The following PLCG2 variants were observed in gnomAD, a reference collection of about 807,000 sequenced individuals.
PLCG2 encodes the protein phospholipase C gamma 2, also known as 1-phosphatidylinositol 4,5-bisphosphate phosphodiesterase gamma-2.
In PLCG2, 69 loss-of-function variants were observed where a neutral mutation model predicts 175.6. That is an observed-to-expected ratio of 0.39 (90% CI 0.32 to 0.48). The LOEUF (loss-of-function observed/expected upper bound fraction) is 0.48. Ranked by LOEUF, PLCG2 falls within the 20% of genes least tolerant of loss-of-function variation. The pLI is 0.91. For synonymous variants in PLCG2, 827 were observed against 624.0 expected, an observed-to-expected ratio of 1.33 and a Z score of -4.85; for missense variants, 1,798 against 1,650.9, an observed-to-expected ratio of 1.09 and a Z score of -1.54.
intron 2 of PLCG2, among the ~76,000 whole-genome samples, chr16:81,849,582 A>T (rs954004993): frequency 2.6e-5 from 4 of 152,040 alleles, no homozygotes; most frequent in Non-Finnish European, 5.9e-5. Context: ...TATATGGTGA[A>T]ACCCTGTCTC....
chr16:81,857,963 A>G lies in PLCG2; in HGVS notation c.338-300A>G, dbSNP rs920543353. 10 of 372,290 alleles carry G rather than the reference A, an allele frequency of 2.7e-5. No individual in the cohort carries two copies. In the East Asian group the frequency reaches 3.7e-4, roughly 14 times the overall value. The allele number at this position is 372,290 out of a possible 1,614,324, so 23.1% of individuals were successfully genotyped here. On this transcript the variant is annotated intron_variant, in intron 3 of 32. Coordinates refer to ENST00000564138, the MANE Select transcript of PLCG2 (RefSeq NM_002661.5). ...AGTTAGTGCTCAAATGATGTTAACA[A>G]TGTCATAGTGATAGTTCCCACCACT...
chr16:81,789,041 G>C (rs969122934), intron 2 of PLCG2, among the ~76,000 whole-genome samples: 2 of 152,214 alleles, frequency 1.3e-5, no homozygotes, highest in African/African-American at 4.8e-5. Context: ...GATCTTGTAA[G>C]TATAGGGTAT....
chr16:81,899,389 T>C (rs1054080290), intron 13 of PLCG2, among the ~76,000 whole-genome samples: 3 of 152,048 alleles, frequency 2.0e-5, no homozygotes, highest in Admixed American at 1.3e-4. Flanking sequence ...GTTCACATGA[T>C]ATAGAAGGAT....
At position 81,759,284 on chromosome 16, in the gene PLCG2, T is replaced by C. The variant is rs1261961070; in HGVS notation, c.-48+3318T>C. On this transcript the variant is annotated intron_variant, in intron 2 of 5. Coordinates refer to the PLCG2 transcript ENST00000565054. ...ATTGTTTTGTTTTGTTTTTGGTTTT[T>C]AAAGCACACATCCTCATGCTAAGAT... Among the ~76,000 whole-genome samples, 4 of 152,154 alleles carry C rather than the reference T, an allele frequency of 2.6e-5. No individual in the cohort carries two copies. The East Asian group carries it at 7.7e-4, about 29-fold the overall frequency.
intron 11 of PLCG2, 119 bp downstream of exon 11, chr16:81,891,709 C>T (rs886848639): frequency 3.8e-5 from 24 of 638,682 alleles, no homozygotes; most frequent in African/African-American, 3.2e-4. Flanking sequence ...GGTGTAGCAC[C>T]GCATTCCTTG....
intron 2 of PLCG2, among the ~76,000 whole-genome samples, chr16:81,806,926 T>A (rs1904283909): frequency 6.6e-6 from 1 of 152,032 alleles, no homozygotes; most frequent in Non-Finnish European, 1.5e-5. Flanking sequence ...CCCAGGGCTG[T>A]GGAGGCCTCC....
At chr16:81,758,281 C>T (rs1385963738) in intron 2 of PLCG2, among the ~76,000 whole-genome samples, 2 of 152,212 alleles carry the variant, frequency 1.3e-5, no homozygotes, top group Non-Finnish European at 2.9e-5. Context: ...CCCAGGCTCA[C>T]TTAGCATTGC....
At position 81,925,950 on chromosome 16, in the gene PLCG2, C is replaced by T. The variant is rs144128790; in HGVS notation, c.2418-1132C>T. Among the ~76,000 whole-genome samples, 1,357 of 151,616 alleles carry T rather than the reference C, an allele frequency of 9.0e-3. 9 individuals are homozygous for T. The highest frequency in any genetic ancestry group is 9.2e-3 in the Non-Finnish European group (622 of 67,962). On this transcript the variant is annotated intron_variant, in intron 22 of 32. Coordinates refer to ENST00000564138, the MANE Select transcript of PLCG2 (RefSeq NM_002661.5). ...AGGGGAAGACAGATGTATAATTATA[C>T]GTTAAGTATAAGATGTGGCTGCTTG...
At position 81,870,875 on chromosome 16, in the gene PLCG2, G is replaced by C; in HGVS notation, c.588G>C (p.Glu196Asp). ...AGGAAATAGGAGCACACAAAGATGA[G>C]CTCAGCTTTGAACAGTTCCATCTCT... ...KFVEIGAHKD[E>D]LSFEQFHLFY... is the part of the protein sequence containing the mutation. Residue 196 changes from glutamate (E) to aspartate (D), a missense_variant, in exon 7 of 33, where the codon GAG (glutamate) becomes GAC (aspartate). Transcript: ENST00000564138. 1 of 1,600,238 alleles carries C rather than the reference G, an allele frequency of 6.2e-7. No individual in the cohort carries two copies. The highest frequency in any genetic ancestry group is 1.1e-5 in the South Asian group (1 of 88,706).
At position 81,959,161 on chromosome 16, in the gene PLCG2, G is replaced by C; in HGVS notation, c.*1163G>C. The C allele has an allele frequency of 4.4e-6, 1 of 225,070 alleles. No homozygotes were observed. Among genetic ancestry groups the C allele is most frequent in the East Asian group, 6.4e-5 (1 of 15,592 alleles). 13.9% of individuals were successfully genotyped at this position (225,070 alleles called of 1,614,324 possible). A position where few individuals can be genotyped will look rare whatever the true frequency, so the allele number is the denominator to read the frequency against. On this transcript the variant is annotated 3_prime_UTR_variant, in exon 33 of 33. Transcript: ENST00000564138. ...GTAGAGTCACAACTTCTCAATGAGT[G>C]AATTTACAGCTGATGGGAAAAGGAG...
chr16:81,742,502 G>A (rs1909617653), intron 1 of PLCG2, among the ~76,000 whole-genome samples: 1 of 152,170 alleles, frequency 6.6e-6, no homozygotes, highest in Non-Finnish European at 1.5e-5. Flanking sequence ...GGAGGGTTTA[G>A]ATGACTTGGC....
intron 2 of PLCG2, among the ~76,000 whole-genome samples, chr16:81,790,540 G>C (rs556671924): frequency 5.3e-4 from 81 of 152,310 alleles, no homozygotes; most frequent in African/African-American, 1.9e-3. Context: ...AGAACTCCCA[G>C]CTCTGGCAAT....
At position 81,810,388 on chromosome 16, in the gene PLCG2, C is replaced by T. The variant is rs9806949; in HGVS notation, c.193+24206C>T. Among the ~76,000 whole-genome samples the T allele has an allele frequency of 8.4e-3, 1,284 of 152,286 alleles. 16 individuals are homozygous for T. Among genetic ancestry groups the T allele is most frequent in the African/African-American group, 0.03 (1,250 of 41,554 alleles). ...TTTTCTCTCAGCATCTATGCTTGGC[C>T]TTCGTTATTTGCAGCATCAGTATTG... On this transcript the variant is annotated intron_variant, in intron 2 of 32. Transcript: ENST00000564138.
At chr16:81,930,747 C>CAAAAAAA (rs34004978) in intron 24 of PLCG2, among the ~76,000 whole-genome samples, 1 of 125,804 alleles carries the variant, frequency 7.9e-6, no homozygotes, top group Admixed American at 8.4e-5. Context: ...CACCCTGTCT[C>CAAAAAAA]AAAAAAAAAA....
At chr16:81,859,384 A>T (rs543987157) in intron 5 of PLCG2, 1 of 513,254 alleles carries the variant, frequency 1.9e-6, no homozygotes, top group Admixed American at 3.6e-5. Context: ...AGCCTCAGAG[A>T]TGATCTCTGC....
chr16:81,840,798 G>C (rs1389440831), intron 2 of PLCG2, among the ~76,000 whole-genome samples: 2 of 152,192 alleles, frequency 1.3e-5, no homozygotes, highest in Non-Finnish European at 2.9e-5. Flanking sequence ...CTGTCTTGGA[G>C]GCAGCTCCCT....
rs1017774075 is a variant in PLCG2 at position 81,961,659 on chromosome 16, G to A, written c.*3661G>A. ...CTAAAAATTGCCTTGTTCCAGGTAAGACTGATCATAAAAAAATGGCCCTGT... is the reference window on the plus strand; with the variant it reads ...CTAAAAATTGCCTTGTTCCAGGTAAAACTGATCATAAAAAAATGGCCCTGT... On this transcript the variant is annotated 3_prime_UTR_variant, in exon 33 of 33. Coordinates refer to ENST00000564138, the MANE Select transcript of PLCG2 (RefSeq NM_002661.5). 2 of 213,638 alleles carry A rather than the reference G, an allele frequency of 9.4e-6. No homozygotes were observed. Among genetic ancestry groups the A allele is most frequent in the Admixed American group, 5.9e-5 (1 of 17,030 alleles). 13.2% of individuals were successfully genotyped at this position (213,638 alleles called of 1,614,324 possible).
intron 13 of PLCG2, among the ~76,000 whole-genome samples, chr16:81,896,482 G>A (rs951627084): frequency 2.0e-5 from 3 of 151,830 alleles, no homozygotes. Flanking sequence ...GGAAGCTGAG[G>A]TGGGAGGATT....
At chr16:81,871,153 T>C (rs915926223) in intron 7 of PLCG2, among the ~76,000 whole-genome samples, 4 of 152,212 alleles carry the variant, frequency 2.6e-5, no homozygotes, top group Non-Finnish European at 4.4e-5. Flanking sequence ...GAAATGGTGT[T>C]CATATGCCTT....
Sources: gnomAD v4.1 joint callset for allele counts (sites outside exome capture counted in the v4.1 genomes callset) on GRCh38, gnomAD v4.1.1 for gene constraint, MANE v1.5 for transcripts, NCBI Gene and HGNC (gene_info 2026-07-23, HGNC 2026-07-21) for gene names.